The following DEPTOR variants were observed in gnomAD, a reference collection of about 807,000 sequenced individuals.
DEPTOR encodes DEP domain containing MTOR interacting protein, also known as DEP domain-containing mTOR-interacting protein.
DEPTOR carries 41 observed loss-of-function variants against 41.6 expected under a neutral mutation model. The ratio of observed to expected loss-of-function variants is 0.98; its 90% CI spans 0.77 to 1.28. The LOEUF (loss-of-function observed/expected upper bound fraction) is 1.28, where lower values mean the gene tolerates loss of function less well. Among genes scored for constraint, DEPTOR ranks in the 50% most tolerant of loss-of-function variants. DEPTOR has a pLI of 0.00. For synonymous variants in DEPTOR, 195 were observed against 192.3 expected, an observed-to-expected ratio of 1.01 and a Z score of -0.12; for missense variants, 514 against 527.9, an observed-to-expected ratio of 0.97 and a Z score of 0.26.
Position 119,990,852 on chromosome 8 carries a change from T to C in DEPTOR, c.605-10673T>C, listed in dbSNP as rs534359699. ...TGTTATTGCCTTTTGGAGAGTTTTG[T>C]ATCCCAAGCAGCTAGCACCGTTTTT... On this transcript the variant is annotated intron_variant, in intron 4 of 8. Coordinates refer to ENST00000286234, the MANE Select transcript of DEPTOR (RefSeq NM_022783.4). Among the ~76,000 whole-genome samples the C allele has an allele frequency of 9.8e-4, 149 of 152,324 alleles. 1 individual carries two copies. The South Asian group carries it at 0.029, about 29-fold the overall frequency.
chr8:119,984,682 G>A (rs749016985), intron 4 of DEPTOR, among the ~76,000 whole-genome samples: 1 of 152,116 alleles, frequency 6.6e-6, no homozygotes. Flanking sequence ...GGGACATTTG[G>A]GTTGGTTACA....
chr8:120,022,429 T>C (rs993530032), intron 8 of DEPTOR, among the ~76,000 whole-genome samples: 2 of 152,208 alleles, frequency 1.3e-5, no homozygotes, highest in Non-Finnish European at 2.9e-5. Flanking sequence ...GGTACAATCC[T>C]GTGCTTCTCC....
At chr8:119,875,789 T>C (rs1041404109) in intron 1 of DEPTOR, among the ~76,000 whole-genome samples, 1 of 152,070 alleles carries the variant, frequency 6.6e-6, no homozygotes, top group South Asian at 2.1e-4. Context: ...AGTGTACAGG[T>C]TTGGCACCAC....
At chr8:120,046,236 A>G (rs1044186764) in intron 8 of DEPTOR, among the ~76,000 whole-genome samples, 1 of 152,204 alleles carries the variant, frequency 6.6e-6, no homozygotes, top group Non-Finnish European at 1.5e-5. Context: ...TGTAAACTGT[A>G]GAATTCAGTA....
intron 8 of DEPTOR, 43 bp downstream of exon 8, chr8:120,009,176 G>A (rs189470920): frequency 9.3e-5 from 144 of 1,553,744 alleles, no homozygotes; most frequent in Non-Finnish European, 1.2e-4. Context: ...TCTGTCTTGG[G>A]TTCTTCATGC....
At chr8:120,048,437 C>T (rs1813184961) in intron 8 of DEPTOR, among the ~76,000 whole-genome samples, 1 of 152,202 alleles carries the variant, frequency 6.6e-6, no homozygotes, top group Non-Finnish European at 1.5e-5. Flanking sequence ...TTGATTATGA[C>T]TGTGACCTCC....
chr8:119,950,189 A>G (rs1445815882), intron 3 of DEPTOR, among the ~76,000 whole-genome samples: 2 of 152,170 alleles, frequency 1.3e-5, no homozygotes, highest in Non-Finnish European at 2.9e-5. Flanking sequence ...GACCATAGAT[A>G]TACCAAAGTA....
intron 1 of DEPTOR, among the ~76,000 whole-genome samples, chr8:119,914,879 C>G (rs761817785): frequency 6.6e-6 from 1 of 152,228 alleles, no homozygotes; most frequent in African/African-American, 2.4e-5. Flanking sequence ...AATTACTGCT[C>G]TCACCTTCTC....
intron 8 of DEPTOR, among the ~76,000 whole-genome samples, chr8:120,033,433 C>G (rs1420224662): frequency 1.3e-5 from 2 of 152,114 alleles, no homozygotes; most frequent in Admixed American, 6.6e-5. Context: ...GAGTCACAGC[C>G]TCTTGTTGTG....
At chr8:119,914,939 A>G (rs1827793403) in intron 1 of DEPTOR, among the ~76,000 whole-genome samples, 1 of 152,060 alleles carries the variant, frequency 6.6e-6, no homozygotes, top group African/African-American at 2.4e-5. Flanking sequence ...TGTATTTTTT[A>G]TATTCCATGA....
At chr8:120,007,103 T>A (rs1812451425) in intron 7 of DEPTOR, among the ~76,000 whole-genome samples, 1 of 152,256 alleles carries the variant, frequency 6.6e-6, no homozygotes, top group East Asian at 1.9e-4. Flanking sequence ...TGATGTGTTC[T>A]TTGTTAAAGA....
Position 120,050,598 on chromosome 8 carries a change from G to A in DEPTOR, c.*894G>A, listed in dbSNP as rs907939477. The A allele has an allele frequency of 1.3e-5, 2 of 152,100 alleles. No homozygotes were observed. The highest frequency in any genetic ancestry group is 1.3e-4 in the Admixed American group (2 of 15,264). The allele number at this position is 152,100 out of a possible 1,614,324, so 9.4% of individuals were successfully genotyped here. On this transcript the variant is annotated 3_prime_UTR_variant, in exon 9 of 9. Transcript: ENST00000286234. Reference sequence around the variant, plus strand: ...TGTGATAAAACTTGAACTCTAAATTGCCTCCTTAGCCTGAATTTTTACTAG... The same window carrying A: ...TGTGATAAAACTTGAACTCTAAATTACCTCCTTAGCCTGAATTTTTACTAG...
chr8:120,007,061 C>T (rs6469889), intron 7 of DEPTOR, among the ~76,000 whole-genome samples, 186 bp downstream of exon 7: 55,736 of 152,080 alleles, frequency 0.37, 10,959 homozygotes, highest in East Asian at 0.59. Flanking sequence ...ACTTCACATG[C>T]GTTATTATTA....
At chr8:119,979,693 A>G (rs1397548757) in intron 4 of DEPTOR, among the ~76,000 whole-genome samples, 2 of 151,868 alleles carry the variant, frequency 1.3e-5, no homozygotes, top group East Asian at 1.9e-4. Context: ...ATATTCTTTA[A>G]ATTTTATTTT....
rs1812590318 is a variant in DEPTOR at position 120,015,174 on chromosome 8, G to C, written c.1101+6041G>C. ...TGTAGTCTACAAAGTTTATAATCCGGGCCCTGCTTATCATACCTTTATCTC... is the reference window on the plus strand; with the variant it reads ...TGTAGTCTACAAAGTTTATAATCCGCGCCCTGCTTATCATACCTTTATCTC... On this transcript the variant is annotated intron_variant, in intron 8 of 8. Coordinates refer to ENST00000286234, the MANE Select transcript of DEPTOR (RefSeq NM_022783.4). Among the ~76,000 whole-genome samples, 4 of 152,090 alleles carry C rather than the reference G, an allele frequency of 2.6e-5. No homozygotes were observed. The South Asian group carries it at 8.3e-4, about 32-fold the overall frequency.
Position 120,049,700 on chromosome 8 carries a change from G to A in DEPTOR, c.1226G>A (p.Cys409Tyr), listed in dbSNP as rs770274802. ...IVMEVMEELE[C>Y] ...ATGGAAGTCATGGAGGAGTTAGAGT[G>A]CTGAGCTCCTGGGCCTCCCAGCCCT... Residue 409 changes from cysteine to tyrosine, a missense_variant, in exon 9 of 9, where the codon TGC becomes TAC. Transcript: ENST00000286234. 6.2e-7 allele frequency: 1 copy of A among 1,613,832 alleles called. No individual in the cohort carries two copies. Among genetic ancestry groups the A allele is most frequent in the Non-Finnish European group, 8.5e-7 (1 of 1,179,806 alleles).
intron 4 of DEPTOR, among the ~76,000 whole-genome samples, chr8:119,980,586 C>T (rs139209339): frequency 0.013 from 1,872 of 149,614 alleles, 14 homozygotes; most frequent in Non-Finnish European, 0.021. Context: ...GGTACAATCT[C>T]GGCTCACTGC....
At chr8:120,021,381 C>T (rs986254581) in intron 8 of DEPTOR, among the ~76,000 whole-genome samples, 13 of 151,892 alleles carry the variant, frequency 8.6e-5, no homozygotes, top group Admixed American at 5.9e-4. Flanking sequence ...CCAGCCTGGG[C>T]GACAAGAGTG....
intron 8 of DEPTOR, among the ~76,000 whole-genome samples, chr8:120,013,923 TC>T (rs1812571223): frequency 6.7e-6 from 1 of 150,154 alleles, no homozygotes; most frequent in Non-Finnish European, 1.5e-5. Context: ...CACTGCAACC[TC>T]CACATCCTGG....
Sources: gnomAD v4.1 joint callset for allele counts (sites outside exome capture counted in the v4.1 genomes callset) on GRCh38, gnomAD v4.1.1 for gene constraint, MANE v1.5 for transcripts, NCBI Gene and HGNC (gene_info 2026-07-23, HGNC 2026-07-21) for gene names.